Variants in NEGR1 observed in about 807,000 individuals in gnomAD.
The protein encoded by NEGR1 is neuronal growth regulator 1.
In NEGR1, 10 loss-of-function variants were observed where a neutral mutation model predicts 40.9. That is an observed-to-expected ratio of 0.24 (90% CI 0.15 to 0.42). NEGR1 has a LOEUF of 0.42. Among genes scored for constraint, NEGR1 ranks in the 10% least tolerant of loss-of-function variants. The pLI is 1.00. For missense variants in NEGR1, 352 were observed against 438.9 expected (o/e 0.80, Z 1.77); for synonymous variants, 185 against 166.8 (o/e 1.11, Z -0.84).
At chr1:72,022,986 A>G (rs1000839079) in intron 1 of NEGR1, among the ~76,000 whole-genome samples, 3 of 152,218 alleles carry the variant, frequency 2.0e-5, no homozygotes, top group African/African-American at 7.2e-5. Context: ...TTCATTAAAT[A>G]TTATTTCATT....
chr1:72,047,911 T>C (rs1647017533), intron 1 of NEGR1, among the ~76,000 whole-genome samples: 1 of 151,532 alleles, frequency 6.6e-6, no homozygotes, highest in Non-Finnish European at 1.5e-5. Flanking sequence ...GCACCAAGTA[T>C]ACAAATATTC....
intron 2 of NEGR1, among the ~76,000 whole-genome samples, chr1:71,922,222 C>T (rs1451759756): frequency 6.6e-6 from 1 of 152,078 alleles, no homozygotes; most frequent in Non-Finnish European, 1.5e-5. Flanking sequence ...GGAGACACCG[C>T]CTGTGACAAT....
intron 2 of NEGR1, among the ~76,000 whole-genome samples, chr1:71,815,503 G>C (rs1047059511): frequency 2.0e-4 from 31 of 152,024 alleles, no homozygotes; most frequent in Admixed American, 3.9e-4. Context: ...ATTGGCAATA[G>C]TGTGTTAAAG....
At chr1:72,112,741 A>G (rs1649424350) in intron 1 of NEGR1, among the ~76,000 whole-genome samples, 1 of 151,618 alleles carries the variant, frequency 6.6e-6, no homozygotes, top group Non-Finnish European at 1.5e-5. Flanking sequence ...GGCTTCAACA[A>G]TGTTTCTATT....
At chr1:71,895,473 C>G (rs1262762931) in intron 2 of NEGR1, among the ~76,000 whole-genome samples, 1 of 152,128 alleles carries the variant, frequency 6.6e-6, no homozygotes, top group Non-Finnish European at 1.5e-5. Flanking sequence ...TCCTCTTGCC[C>G]CTGGTTACCA....
At chr1:71,980,694 C>G (rs1421465265) in intron 1 of NEGR1, among the ~76,000 whole-genome samples, 1 of 152,106 alleles carries the variant, frequency 6.6e-6, no homozygotes, top group African/African-American at 2.4e-5. Flanking sequence ...GGCTCAACCT[C>G]AGTATCACAA....
chr1:71,789,671 A>T (rs1313512563), intron 2 of NEGR1, among the ~76,000 whole-genome samples: 2 of 152,102 alleles, frequency 1.3e-5, no homozygotes, highest in East Asian at 3.9e-4. Flanking sequence ...ATGCTATCAG[A>T]TTCTGTTTTT....
intron 1 of NEGR1, among the ~76,000 whole-genome samples, chr1:72,171,334 T>C (rs1363514991): frequency 1.3e-5 from 2 of 152,168 alleles, no homozygotes; most frequent in Non-Finnish European, 2.9e-5. Flanking sequence ...ACATGGAACA[T>C]CAAAAATCTA....
At chr1:71,942,455 C>T (rs12139493) in intron 1 of NEGR1, among the ~76,000 whole-genome samples, 1 of 21,298 alleles carries the variant, frequency 4.7e-5, no homozygotes, top group Non-Finnish European at 8.1e-5. Flanking sequence ...TTCTTTAAAT[C>T]TATATATATA....
chr1:72,260,645 G>A (rs189616181), intron 1 of NEGR1, among the ~76,000 whole-genome samples: 2 of 139,848 alleles, frequency 1.4e-5, no homozygotes, highest in African/African-American at 6.7e-5. Flanking sequence ...TTTTCAAACT[G>A]ACTAACTTGC....
At chr1:71,583,792 C>G (rs1461470046) in intron 6 of NEGR1, among the ~76,000 whole-genome samples, 1 of 152,118 alleles carries the variant, frequency 6.6e-6, no homozygotes, top group East Asian at 1.9e-4. Flanking sequence ...GGAATTCATT[C>G]TAAGTGGACT....
intron 5 of NEGR1, among the ~76,000 whole-genome samples, chr1:71,598,652 G>C (rs1649819963): frequency 6.6e-6 from 1 of 152,032 alleles, no homozygotes; most frequent in Non-Finnish European, 1.5e-5. Context: ...CTAAATATTT[G>C]GATGGAAGAA....
At chr1:71,628,852 G>C (rs1650877760) in intron 4 of NEGR1, among the ~76,000 whole-genome samples, 1 of 152,006 alleles carries the variant, frequency 6.6e-6, no homozygotes, top group Non-Finnish European at 1.5e-5. Context: ...CTTTACTATT[G>C]TGAACAGTGC....
At chr1:71,535,918 T>A (rs1647494659) in intron 6 of NEGR1, among the ~76,000 whole-genome samples, 1 of 151,748 alleles carries the variant, frequency 6.6e-6, no homozygotes, top group Admixed American at 6.6e-5. Context: ...GGATAACAGT[T>A]CCTATTTTAT....
chr1:71,961,209 T>TAACTAC (rs1291248788), intron 1 of NEGR1, among the ~76,000 whole-genome samples: 2 of 152,180 alleles, frequency 1.3e-5, no homozygotes, highest in Non-Finnish European at 2.9e-5. Context: ...TGCCCATTAA[T>TAACTAC]AACTACTTTC....
At chr1:71,758,762 T>C (rs1454826798) in intron 3 of NEGR1, among the ~76,000 whole-genome samples, 7 of 152,096 alleles carry the variant, frequency 4.6e-5, no homozygotes, top group Admixed American at 2.0e-4. Context: ...CAAGGACACA[T>C]TGGGTCTTGA....
At chr1:71,457,481 G>A (rs532490735) in intron 6 of NEGR1, among the ~76,000 whole-genome samples, 1 of 152,198 alleles carries the variant, frequency 6.6e-6, no homozygotes, top group South Asian at 2.1e-4. Context: ...TGTTATCCTT[G>A]TATGATTCAG....
chr1:72,206,859 G>A (rs1653421108), intron 1 of NEGR1, among the ~76,000 whole-genome samples: 1 of 151,862 alleles, frequency 6.6e-6, no homozygotes, highest in South Asian at 2.1e-4. Flanking sequence ...TAGGGAGGGA[G>A]CAGAAAAAAC....
At chr1:71,420,673 C>T (rs528331134) in intron 6 of NEGR1, among the ~76,000 whole-genome samples, 1 of 151,972 alleles carries the variant, frequency 6.6e-6, no homozygotes, top group Non-Finnish European at 1.5e-5. Context: ...AGAAGACACT[C>T]AAGTCTGGAG....
Sources: allele counts gnomAD v4.1 joint callset (sites outside exome capture counted in the v4.1 genomes callset), GRCh38; gene constraint gnomAD v4.1.1; transcripts MANE v1.5; gene names NCBI Gene and HGNC (gene_info 2026-07-23, HGNC 2026-07-21).